PCDHGB3: variants seen among roughly 807,000 people sequenced by gnomAD.
PCDHGB3 encodes protocadherin gamma-B3.
Under a neutral mutation model 59.2 loss-of-function variants are expected in PCDHGB3, and 40 were observed. The observed-to-expected ratio is 0.68, with a 90% CI of 0.52 to 0.88. The LOEUF (loss-of-function observed/expected upper bound fraction) is 0.88. PCDHGB3 is among the 40% of genes least tolerant of loss of function. The pLI is 0.00. For missense variants in PCDHGB3, 1,309 were observed against 1,187.9 expected (o/e 1.10, Z -1.50); for synonymous variants, 581 against 503.6 (o/e 1.15, Z -2.06).
Position 141,511,334 on chromosome 5 carries a change from C to A in PCDHGB3, c.*161C>A. 7.0e-7 allele frequency: 1 copy of A among 1,438,700 alleles called. No homozygotes were observed. Among genetic ancestry groups the A allele is most frequent in the Non-Finnish European group, 9.2e-7 (1 of 1,083,314 alleles). 89.1% of individuals were successfully genotyped at this position (1,438,700 alleles called of 1,614,324 possible). On this transcript the variant is annotated 3_prime_UTR_variant, in exon 4 of 4. Coordinates refer to ENST00000576222, the MANE Select transcript of PCDHGB3 (RefSeq NM_018924.5). ...GAAACAGAAACAAGTGCCCAGTCAG[C>A]ACCTACCCCTTCCCCCCCAGGGGGT...
At chr5:141,382,942 C>A (rs763091165) in intron 1 of PCDHGB3, 5 of 1,595,522 alleles carry the variant, frequency 3.1e-6, no homozygotes, top group Non-Finnish European at 4.3e-6. Flanking sequence ...AGGATTCTTC[C>A]TGCTCTCCAT....
At chr5:141,433,264 G>T in intron 1 of PCDHGB3, 1 of 1,314,872 alleles carries the variant, frequency 7.6e-7, no homozygotes, top group South Asian at 1.4e-5. Flanking sequence ...TACGATCATA[G>T]CTCACTGCAG....
In PCDHGB3 at chr5:141,370,790, CT is replaced by C. The variant is rs776090899; in HGVS notation, c.399del (p.Phe133LeufsTer30). ...IQDINDNPPT[F>X]SQNITELEIS... is the part of the protein sequence containing the mutation. The stretch of plus-strand genomic sequence containing the variant: ...AGGATATTAACGACAACCCACCGAC[CT>C]TTAGCCAAAATATCACTGAGCTGGA... On this transcript the variant is annotated frameshift_variant, in exon 1 of 4. Transcript: ENST00000576222. LOFTEE classifies it high-confidence loss of function. The C allele has an allele frequency of 6.2e-7, 1 of 1,614,038 alleles. No homozygotes were observed. The highest frequency in any genetic ancestry group is 2.2e-5 in the East Asian group (1 of 44,888).
intron 1 of PCDHGB3, chr5:141,422,771 T>C (rs2096671394): frequency 6.2e-7 from 1 of 1,613,954 alleles, no homozygotes; most frequent in Non-Finnish European, 8.5e-7. Flanking sequence ...ACTGGTGTTC[T>C]CTATGCCCTA....
At chr5:141,421,173 C>A in intron 1 of PCDHGB3, 2 of 1,377,172 alleles carry the variant, frequency 1.5e-6, no homozygotes, top group Non-Finnish European at 9.7e-7. Context: ...GATACATAAG[C>A]CGATTCACAA....
intron 1 of PCDHGB3, among the ~76,000 whole-genome samples, chr5:141,445,733 T>C (rs1031885468): frequency 6.6e-6 from 1 of 152,186 alleles, no homozygotes; most frequent in Non-Finnish European, 1.5e-5. Context: ...TGTGTAAAGA[T>C]CTTTTTAAAA....
intron 1 of PCDHGB3, among the ~76,000 whole-genome samples, chr5:141,481,593 G>A (rs575017133): frequency 1.3e-5 from 2 of 152,172 alleles, no homozygotes; most frequent in African/African-American, 2.4e-5. Context: ...TGAGGCCAGC[G>A]GATCACCTGA....
rs1561663429 is a variant in PCDHGB3 at position 141,398,237 on chromosome 5, T to C, written c.2415+25428T>C. 4.1e-6 allele frequency: 6 copies of C among 1,479,416 alleles called. No homozygotes were observed. In the African/African-American group the frequency reaches 8.6e-5, roughly 21 times the overall value. The allele number at this position is 1,479,416 out of a possible 1,614,324, so 91.6% of individuals were successfully genotyped here. ...CTCTGTGAGCAGATCCGCTACAGGA[T>C]TCCCGAGGAAATGCCCAAGGGCTCC... On this transcript the variant is annotated intron_variant, in intron 1 of 3. Transcript: ENST00000576222.
At chr5:141,502,887 G>T (rs2099816882) in intron 2 of PCDHGB3, among the ~76,000 whole-genome samples, 1 of 40,910 alleles carries the variant, frequency 2.4e-5, no homozygotes, top group Non-Finnish European at 4.5e-5. Context: ...TTTTGACAGG[G>T]AGTCTAGCTC....
intron 1 of PCDHGB3, among the ~76,000 whole-genome samples, chr5:141,488,553 T>C (rs2099676887): frequency 6.6e-6 from 1 of 152,166 alleles, no homozygotes; most frequent in South Asian, 2.1e-4. Flanking sequence ...TCAGCTGACA[T>C]TGAGATTTCC....
intron 1 of PCDHGB3, chr5:141,408,114 C>T (rs1191565539): frequency 5.5e-6 from 8 of 1,460,968 alleles, no homozygotes; most frequent in South Asian, 1.4e-5. Context: ...CGGGACTCCT[C>T]CTGTCCTGGG....
At position 141,487,534 on chromosome 5, in the gene PCDHGB3, G is replaced by T; in HGVS notation, c.2416-7273G>T. The T allele has an allele frequency of 6.2e-7, 1 of 1,614,174 alleles. No homozygotes were observed. The highest frequency in any genetic ancestry group is 8.5e-7 in the Non-Finnish European group (1 of 1,180,034). ...CCACTCGGAGTGATAGCTTCATGAT[G>T]GTGAAGTCACCCAGTGCACCTATGG... On this transcript the variant is annotated intron_variant, in intron 1 of 3. Coordinates refer to ENST00000576222, the MANE Select transcript of PCDHGB3 (RefSeq NM_018924.5). This position sits in a 1 kb window ranked among gnomAD's most constrained non-coding sequence, Gnocchi z 5.0.
At chr5:141,500,488 C>T (rs569168291) in intron 2 of PCDHGB3, among the ~76,000 whole-genome samples, 4 of 152,178 alleles carry the variant, frequency 2.6e-5, no homozygotes, top group South Asian at 2.1e-4. Flanking sequence ...GGATTACAGG[C>T]GTGAGCCACC....
intron 1 of PCDHGB3, chr5:141,419,843 C>T: frequency 6.2e-7 from 1 of 1,614,070 alleles, no homozygotes; most frequent in Non-Finnish European, 8.5e-7. Flanking sequence ...CACGCTGCAC[C>T]TGGTGTTCGC....
chr5:141,403,995 C>T, intron 1 of PCDHGB3: 1 of 1,613,762 alleles, frequency 6.2e-7, no homozygotes, highest in Non-Finnish European at 8.5e-7. Context: ...CCTGAAGTGA[C>T]CATTACATCT....
intron 1 of PCDHGB3, chr5:141,393,806 CA>C (rs1489692597): frequency 6.2e-7 from 1 of 1,613,866 alleles, no homozygotes; most frequent in Non-Finnish European, 8.5e-7. Context: ...TGGGGAGGAC[CA>C]AATTGCTCAT....
At position 141,430,917 on chromosome 5, in the gene PCDHGB3, G is replaced by A. The variant is rs2097324810; in HGVS notation, c.2415+58108G>A. ...GTGGGCGACATCTCCAGGGACCTGG[G>A]GCTGGAGCCCCGGGAGCTCGCGGAG... On this transcript the variant is annotated intron_variant, in intron 1 of 3. Coordinates refer to ENST00000576222, the MANE Select transcript of PCDHGB3 (RefSeq NM_018924.5). The A allele has an allele frequency of 1.9e-6, 3 of 1,607,956 alleles. No individual in the cohort carries two copies. The highest frequency in any genetic ancestry group is 2.5e-6 in the Non-Finnish European group (3 of 1,177,520).
At position 141,370,493 on chromosome 5, in the gene PCDHGB3, C is replaced by G. The variant is rs1766963233; in HGVS notation, c.99C>G (p.Ile33Met). Reference protein sequence around the residue: ...SLLDQALSEPIRYAIPEELDR... With the variant: ...SLLDQALSEPMRYAIPEELDR... ...TAGACCAGGCTCTCTCCGAACCGAT[C>G]CGCTACGCTATTCCCGAGGAGCTGG... is the stretch of plus-strand genomic sequence containing the variant. Residue 33 changes from isoleucine (I) to methionine (M), a missense_variant, in exon 1 of 4, where the codon ATC becomes ATG. Coordinates refer to ENST00000576222, the MANE Select transcript of PCDHGB3 (RefSeq NM_018924.5). 9 of 1,613,944 alleles carry G rather than the reference C, an allele frequency of 5.6e-6. No individual in the cohort carries two copies. The highest frequency in any genetic ancestry group is 7.6e-6 in the Non-Finnish European group (9 of 1,179,870).
At chr5:141,445,427 C>G (rs964779092) in intron 1 of PCDHGB3, among the ~76,000 whole-genome samples, 4 of 152,152 alleles carry the variant, frequency 2.6e-5, no homozygotes, top group African/African-American at 9.7e-5. Flanking sequence ...ATATGCAAGG[C>G]ACTGACCTAT....
Sources: gnomAD v4.1 joint callset for allele counts (sites outside exome capture counted in the v4.1 genomes callset) on GRCh38, gnomAD v4.1.1 for gene constraint, Gnocchi (gnomAD v3.1) non-coding constraint, MANE v1.5 for transcripts, NCBI Gene and HGNC (gene_info 2026-07-23, HGNC 2026-07-21) for gene names.